Variants in PITPNC1 observed in about 807,000 individuals in gnomAD.
The protein encoded by PITPNC1 is phosphatidylinositol transfer protein cytoplasmic 1, also known as cytoplasmic phosphatidylinositol transfer protein 1.
PITPNC1 carries 18 observed loss-of-function variants against 44.7 expected under a neutral mutation model. The ratio of observed to expected loss-of-function variants is 0.40; its 90% CI spans 0.28 to 0.60. The LOEUF (loss-of-function observed/expected upper bound fraction) is 0.60. PITPNC1 is among the 20% of genes least tolerant of loss of function. PITPNC1 has a pLI of 0.39. For synonymous variants in PITPNC1, 141 were observed against 149.6 expected, an observed-to-expected ratio of 0.94 and a Z score of 0.42; for missense variants, 290 against 418.4, an observed-to-expected ratio of 0.69 and a Z score of 2.68.
At chr17:67,578,283 C>A (rs147251366) in intron 5 of PITPNC1, 26 bp downstream of exon 5, 57 of 1,512,130 alleles carry the variant, frequency 3.8e-5, no homozygotes, top group Non-Finnish European at 5.2e-5. Context: ...TTCCATGCTG[C>A]GCTCGCCTCG....
At chr17:67,587,926 AAG>A (rs1343884806) in intron 5 of PITPNC1, among the ~76,000 whole-genome samples, 1 of 152,214 alleles carries the variant, frequency 6.6e-6, no homozygotes, top group African/African-American at 2.4e-5. Context: ...CCAGCTGACA[AAG>A]AGGGAATTTT....
intron 4 of PITPNC1, among the ~76,000 whole-genome samples, chr17:67,561,056 G>A (rs1372795398): frequency 6.6e-6 from 1 of 152,154 alleles, no homozygotes; most frequent in African/African-American, 2.4e-5. Context: ...CTCAGTTGTT[G>A]AGATCTGCAG....
Position 67,697,174 on chromosome 17 carries a change from T to C in PITPNC1, c.*4286T>C, listed in dbSNP as rs1599018311. 6.6e-6 allele frequency: 1 copy of C among 151,188 alleles called. No individual in the cohort carries two copies. Among genetic ancestry groups the C allele is most frequent in the Non-Finnish European group, 1.5e-5 (1 of 67,852 alleles). The allele number at this position is 151,188 out of a possible 1,614,324, so 9.4% of individuals were successfully genotyped here. A position where few individuals can be genotyped will look rare whatever the true frequency, so the allele number is the denominator to read the frequency against. ...TCTGTGTCATTTTGTGGCTGTTCTG[T>C]GTTTTTCTTCCTAGTTATTTATTAT... On this transcript the variant is annotated 3_prime_UTR_variant, in exon 9 of 9. Coordinates refer to ENST00000581322, the MANE Select transcript of PITPNC1 (RefSeq NM_012417.4).
At chr17:67,620,088 C>G (rs1264829852) in intron 5 of PITPNC1, among the ~76,000 whole-genome samples, 2 of 152,096 alleles carry the variant, frequency 1.3e-5, no homozygotes, top group African/African-American at 4.8e-5. Flanking sequence ...GGGTCTCACT[C>G]CGTCTTCCAG....
Position 67,434,681 on chromosome 17 carries a change from T to C in PITPNC1, c.48+56479T>C, listed in dbSNP as rs193297809. Among the ~76,000 whole-genome samples the C allele has an allele frequency of 1.0e-2, 1,490 of 149,394 alleles. 25 individuals carry two copies. The highest frequency in any genetic ancestry group is 0.014 in the Non-Finnish European group (919 of 67,534). On this transcript the variant is annotated intron_variant, in intron 1 of 8. Transcript: ENST00000581322. ...CAAAAAAATTTGCCAGGTGTGGTGG[T>C]GCATGCCTGTGATCCCAGCTACTCA...
intron 1 of PITPNC1, among the ~76,000 whole-genome samples, chr17:67,509,599 T>TAAAA (rs386386473): frequency 0.048 from 7,164 of 149,188 alleles, 226 homozygotes; most frequent in Middle Eastern, 0.11. Context: ...AATAAATAAA[T>TAAAA]AAAACGTGTT....
chr17:67,538,904 A>G (rs2040566327), intron 2 of PITPNC1, among the ~76,000 whole-genome samples: 1 of 151,814 alleles, frequency 6.6e-6, no homozygotes, highest in South Asian at 2.1e-4. Flanking sequence ...GCACATATAG[A>G]CCAAGACCAA....
intron 2 of PITPNC1, among the ~76,000 whole-genome samples, chr17:67,548,789 C>T (rs557162678): frequency 1.3e-5 from 2 of 152,154 alleles, no homozygotes; most frequent in East Asian, 1.9e-4. Context: ...CAAGGAGACT[C>T]GATTCAAACT....
At chr17:67,691,609 A>G (rs539555496) in intron 8 of PITPNC1, among the ~76,000 whole-genome samples, 4 of 152,350 alleles carry the variant, frequency 2.6e-5, no homozygotes, top group Admixed American at 2.6e-4. Context: ...TTATTAAAAC[A>G]CAATCTCTGA....
intron 1 of PITPNC1, among the ~76,000 whole-genome samples, chr17:67,409,968 T>G (rs8074316): frequency 0.07 from 10,612 of 152,314 alleles, 378 homozygotes; most frequent in Middle Eastern, 0.11. Flanking sequence ...ACTATTGCTC[T>G]GAACTCACTT....
intron 1 of PITPNC1, among the ~76,000 whole-genome samples, chr17:67,484,573 A>C (rs1012553731): frequency 6.6e-6 from 1 of 152,206 alleles, no homozygotes; most frequent in Non-Finnish European, 1.5e-5. Context: ...GCTGGCTTTT[A>C]ACTTTGCCAG....
chr17:67,505,716 C>T lies in PITPNC1; in HGVS notation c.49-27086C>T, dbSNP rs553681827. ...GGTCTCGATCTCCTGACCTCATGAT[C>T]CACCCACCTTGGCCTCCCAAAGTGT... On this transcript the variant is annotated intron_variant, in intron 1 of 8. Coordinates refer to ENST00000581322, the MANE Select transcript of PITPNC1 (RefSeq NM_012417.4). 1.1e-4 allele frequency among the ~76,000 whole-genome samples: 16 copies of T among 152,136 alleles called. 1 individual carries two copies. In the South Asian group the frequency reaches 3.3e-3, roughly 32 times the overall value.
At chr17:67,518,640 C>CAAAA (rs2040287179) in intron 1 of PITPNC1, among the ~76,000 whole-genome samples, 2 of 150,768 alleles carry the variant, frequency 1.3e-5, no homozygotes, top group Admixed American at 1.3e-4. Context: ...TGGTGGTTAT[C>CAAAA]AAAAAAACAA....
In PITPNC1 at chr17:67,387,870, A is replaced by T. The variant is rs549246796; in HGVS notation, c.48+9668A>T. On this transcript the variant is annotated intron_variant, in intron 1 of 8. Transcript: ENST00000581322. The stretch of plus-strand genomic sequence containing the variant: ...AAATACTGATACAATCTTTTCACTT[A>T]TTTTTTTCACACTAAGTCTTTGAAA... 1.3e-3 allele frequency among the ~76,000 whole-genome samples: 194 copies of T among 151,932 alleles called. 1 individual carries two copies. The highest frequency in any genetic ancestry group is 4.5e-3 in the African/African-American group (185 of 41,414).
At chr17:67,552,663 G>C (rs560570765) in intron 3 of PITPNC1, among the ~76,000 whole-genome samples, 7 of 151,998 alleles carry the variant, frequency 4.6e-5, no homozygotes, top group Non-Finnish European at 1.0e-4. Context: ...GGTGGATTAC[G>C]TGAGGTCAGG....
At chr17:67,530,830 G>T (rs2040451567) in intron 1 of PITPNC1, among the ~76,000 whole-genome samples, 1 of 152,208 alleles carries the variant, frequency 6.6e-6, no homozygotes, top group Admixed American at 6.5e-5. Flanking sequence ...TCTGCAATGT[G>T]TAAACTTTTT....
rs576532709 is a variant in PITPNC1 at position 67,513,783 on chromosome 17, T to C, written c.49-19019T>C. Among the ~76,000 whole-genome samples the C allele has an allele frequency of 2.6e-5, 4 of 152,276 alleles. No individual in the cohort carries two copies. The East Asian group carries it at 7.7e-4, about 29-fold the overall frequency. ...CTAATGTCACCCACATTCATTTAACTGTGAAGCTCTTTTCCTCCCACTGCT... is the reference window on the plus strand; with the variant it reads ...CTAATGTCACCCACATTCATTTAACCGTGAAGCTCTTTTCCTCCCACTGCT... On this transcript the variant is annotated intron_variant, in intron 1 of 8. Coordinates refer to ENST00000581322, the MANE Select transcript of PITPNC1 (RefSeq NM_012417.4).
chr17:67,380,020 T>C (rs1260266384), intron 1 of PITPNC1, among the ~76,000 whole-genome samples: 1 of 152,144 alleles, frequency 6.6e-6, no homozygotes, highest in Non-Finnish European at 1.5e-5. Context: ...TAATTACATT[T>C]GAATGATATA....
At chr17:67,510,819 C>T (rs2040175823) in intron 1 of PITPNC1, among the ~76,000 whole-genome samples, 1 of 152,032 alleles carries the variant, frequency 6.6e-6, no homozygotes, top group South Asian at 2.1e-4. Context: ...GATAAAGACT[C>T]CCGGGTCCCA....
Sources: gnomAD v4.1 joint callset for allele counts (sites outside exome capture counted in the v4.1 genomes callset) on GRCh38, gnomAD v4.1.1 for gene constraint, MANE v1.5 for transcripts, NCBI Gene and HGNC (gene_info 2026-07-23, HGNC 2026-07-21) for gene names.